The following TAB2 variants were observed in gnomAD, a reference collection of about 807,000 sequenced individuals.
TAB2 encodes the protein TGF-beta-activated kinase 1 and MAP3K7-binding protein 2.
Under a neutral mutation model 65.0 loss-of-function variants are expected in TAB2, and 3 were observed. The observed-to-expected ratio is 0.05, with a 90% CI of 0.02 to 0.12. The LOEUF is 0.12. TAB2 is among the 10% of genes least tolerant of loss of function. The pLI, the probability that TAB2 is intolerant of heterozygous loss-of-function variation, is 1.00. For missense variants in TAB2, 623 were observed against 840.3 expected, an observed-to-expected ratio of 0.74 and a Z score of 3.20; for synonymous variants, 298 against 285.1, an observed-to-expected ratio of 1.05 and a Z score of -0.46.
chr6:149,398,255 T>C (rs1583158767), intron 5 of TAB2, among the ~76,000 whole-genome samples, 193 bp downstream of exon 5: 2 of 152,182 alleles, frequency 1.3e-5, no homozygotes, highest in South Asian at 2.1e-4. Flanking sequence ...TGATAAAATA[T>C]AGAAGATAGT....
chr6:149,307,891 A>G (rs375732233), intron 1 of TAB2, among the ~76,000 whole-genome samples: 4 of 152,242 alleles, frequency 2.6e-5, no homozygotes, highest in African/African-American at 9.6e-5. Flanking sequence ...GTTATGTTTT[A>G]GAATCTATCT....
chr6:149,244,587 G>T (rs148242638), intron 1 of TAB2: 1 of 152,466 alleles, frequency 6.6e-6, no homozygotes, highest in Non-Finnish European at 1.5e-5. Flanking sequence ...AGTGGCTCAC[G>T]CCTGTAATCC....
chr6:149,270,461 A>T (rs1490358286), intron 1 of TAB2, among the ~76,000 whole-genome samples: 1 of 152,176 alleles, frequency 6.6e-6, no homozygotes, highest in African/African-American at 2.4e-5. Context: ...ACTATAGTTA[A>T]TAACAGTATA....
At chr6:149,375,218 T>TGGGTGATA (rs1298916447) in intron 2 of TAB2, among the ~76,000 whole-genome samples, 4 of 152,150 alleles carry the variant, frequency 2.6e-5, no homozygotes, top group Non-Finnish European at 4.4e-5. Flanking sequence ...CGAACAAAGA[T>TGGGTGATA]GGGTGATAAG....
intron 1 of TAB2, among the ~76,000 whole-genome samples, chr6:149,333,708 A>T (rs920779651): frequency 3.5e-5 from 5 of 144,790 alleles, no homozygotes; most frequent in East Asian, 4.1e-4. Context: ...CCAGATCCAT[A>T]GTGTGTGTGT....
chr6:149,277,050 G>T (rs1332671816), intron 1 of TAB2, among the ~76,000 whole-genome samples: 1 of 152,114 alleles, frequency 6.6e-6, no homozygotes, highest in African/African-American at 2.4e-5. Flanking sequence ...TCTCTTGATT[G>T]TCACCATCCA....
In TAB2 at chr6:149,378,492, A is replaced by G. The variant is rs752518088; in HGVS notation, c.577A>G (p.Thr193Ala). 14 of 1,614,214 alleles carry G rather than the reference A, an allele frequency of 8.7e-6. No homozygotes were observed. In the South Asian group the frequency reaches 1.4e-4, roughly 16 times the overall value. ...PNIQTGRNTP[T>A]SLHIHGVPPP... ...TATCCAGACTGGTCGTAATACTCCTACATCTTTGCACATACATGGTGTACC... is the reference window on the plus strand; with the variant it reads ...TATCCAGACTGGTCGTAATACTCCTGCATCTTTGCACATACATGGTGTACC... Residue 193 changes from threonine to alanine, a missense_variant, in exon 3 of 7, where the codon ACA (threonine) becomes GCA (alanine). Physicochemically the swap from Thr to Ala is moderately conservative, Grantham distance 58. This residue lies in a region of TAB2 where 550 missense variants were observed against 665.7 expected (regional missense o/e 0.83). Coordinates refer to ENST00000637181, the MANE Select transcript of TAB2 (RefSeq NM_001292034.3).
intron 3 of TAB2, among the ~76,000 whole-genome samples, chr6:149,385,289 A>C (rs1781753090): frequency 6.6e-6 from 1 of 152,240 alleles, no homozygotes; most frequent in African/African-American, 2.4e-5. Flanking sequence ...CAGATTCTAA[A>C]ACTTGTACTT....
At chr6:149,309,272 T>TTTTACATATAC (rs57195972) in intron 1 of TAB2, among the ~76,000 whole-genome samples, 67,414 of 151,708 alleles carry the variant, frequency 0.44, 15,465 homozygotes, top group African/African-American at 0.58. Flanking sequence ...ATATATGCTG[T>TTTTACATATAC]TTTACATATG....
intron 1 of TAB2, among the ~76,000 whole-genome samples, chr6:149,264,034 C>A (rs1778209041): frequency 6.6e-6 from 1 of 152,240 alleles, no homozygotes; most frequent in South Asian, 2.1e-4. Context: ...AATGCCTATT[C>A]TGCATGCCCA....
chr6:149,350,617 CTTTTTT>C (rs150204735), intron 1 of TAB2, among the ~76,000 whole-genome samples: 3 of 92,514 alleles, frequency 3.2e-5, no homozygotes, highest in Admixed American at 1.3e-4. Flanking sequence ...TATTTTATGT[CTTTTTT>C]TTTTTTTTTT....
At chr6:149,269,008 C>T (rs1353539816) in intron 1 of TAB2, among the ~76,000 whole-genome samples, 1 of 152,190 alleles carries the variant, frequency 6.6e-6, no homozygotes, top group African/African-American at 2.4e-5. Flanking sequence ...TGCTGTGGAA[C>T]CTTTGCTATT....
chr6:149,312,179 C>T (rs1044136338), intron 1 of TAB2, among the ~76,000 whole-genome samples: 5 of 152,156 alleles, frequency 3.3e-5, no homozygotes, highest in Admixed American at 1.3e-4. Context: ...ATAACAACTT[C>T]GGGTGCTTCT....
intron 1 of TAB2, among the ~76,000 whole-genome samples, chr6:149,332,050 G>T (rs1484768080): frequency 6.6e-6 from 1 of 152,168 alleles, no homozygotes; most frequent in East Asian, 1.9e-4. Context: ...GCATAAAAGA[G>T]AATTCAAGGA....
At chr6:149,307,358 G>A (rs1156472706) in intron 1 of TAB2, among the ~76,000 whole-genome samples, 1 of 152,104 alleles carries the variant, frequency 6.6e-6, no homozygotes, top group Non-Finnish European at 1.5e-5. Context: ...ACTATTTGGG[G>A]AAATTTATGA....
upstream of TAB2, among the ~76,000 whole-genome samples, chr6:149,316,704 G>T (rs902577755): frequency 6.6e-6 from 1 of 151,826 alleles, no homozygotes; most frequent in African/African-American, 2.4e-5. Context: ...CCCTCTTCCC[G>T]CAAAGCTAGT....
At chr6:149,374,192 G>A (rs1443875095) in intron 2 of TAB2, among the ~76,000 whole-genome samples, 3 of 152,156 alleles carry the variant, frequency 2.0e-5, no homozygotes, top group African/African-American at 7.2e-5. Flanking sequence ...ATTCAAGGAA[G>A]AATTGCTGCT....
chr6:149,353,817 C>G (rs191024903), intron 1 of TAB2, among the ~76,000 whole-genome samples: 1 of 152,146 alleles, frequency 6.6e-6, no homozygotes, highest in Admixed American at 6.5e-5. Context: ...TATTTTCTAA[C>G]TTTTCTTCAG....
At chr6:149,234,881 A>AAAAAAAAC (rs553505517) in intron 1 of TAB2, among the ~76,000 whole-genome samples, 1 of 147,860 alleles carries the variant, frequency 6.8e-6, no homozygotes, top group Non-Finnish European at 1.5e-5. Context: ...AAAAAAAAAA[A>AAAAAAAAC]CACACTCTTT....
Sources: allele counts gnomAD v4.1 joint callset (sites outside exome capture counted in the v4.1 genomes callset), GRCh38; gene constraint gnomAD v4.1.1; regional missense constraint gnomAD v4.1.1; transcripts MANE v1.5; gene names NCBI Gene and HGNC (gene_info 2026-07-23, HGNC 2026-07-21).